Variants in RASGRF1 observed in about 807,000 individuals in gnomAD.
RASGRF1 encodes the protein ras-specific guanine nucleotide-releasing factor 1.
A neutral mutation model predicts 138.7 loss-of-function variants in RASGRF1; 40 were observed. The ratio of observed to expected loss-of-function variants is 0.29; its 90% CI spans 0.22 to 0.38. RASGRF1 has a LOEUF of 0.38. Ranked by LOEUF, RASGRF1 falls within the 10% of genes least tolerant of loss-of-function variation. The pLI is 1.00. For synonymous variants in RASGRF1, 614 were observed against 663.2 expected (o/e 0.93, Z 1.14); for missense variants, 1,108 against 1,650.4 (o/e 0.67, Z 5.69).
intron 25 of RASGRF1, among the ~76,000 whole-genome samples, chr15:78,972,726 G>A (rs1398747146): frequency 3.3e-5 from 5 of 152,120 alleles, no homozygotes; most frequent in Admixed American, 6.5e-5. Context: ...GCTTTCTGGC[G>A]AAGTGAGAGG....
chr15:79,062,060 A>G lies in RASGRF1; in HGVS notation c.383+2360T>C, dbSNP rs140248612. On this transcript the variant is annotated intron_variant, in intron 2 of 26. Coordinates refer to ENST00000558480, the MANE Select transcript of RASGRF1 (RefSeq NM_001145648.3). ...TACGTTTGTTCCACTCATCTTCAAC[A>G]TTCACTATTGTCTGTCTTAAGCATT... Among the ~76,000 whole-genome samples, 406 of 152,288 alleles carry G rather than the reference A, an allele frequency of 2.7e-3. 2 individuals are homozygous for G. Among genetic ancestry groups the G allele is most frequent in the Admixed American group, 4.1e-3 (63 of 15,302 alleles).
intron 24 of RASGRF1, among the ~76,000 whole-genome samples, chr15:78,976,645 A>G (rs1372157503): frequency 6.6e-6 from 1 of 152,072 alleles, no homozygotes; most frequent in Non-Finnish European, 1.5e-5. Flanking sequence ...GGGACAGAGG[A>G]CTGCTGGAGG....
chr15:79,005,189 C>G (rs1230593156), intron 14 of RASGRF1: 9 of 985,440 alleles, frequency 9.1e-6, no homozygotes, highest in Non-Finnish European at 1.1e-5. Context: ...CCCAGTGAGG[C>G]CTGAGGTGGG....
At chr15:78,998,237 G>A (rs1315700900) in intron 18 of RASGRF1, 29 bp from the exon 19 acceptor site, 4 of 1,579,314 alleles carry the variant, frequency 2.5e-6, no homozygotes, top group Non-Finnish European at 3.5e-6. Context: ...GGGTGGCTCT[G>A]GTTACTGTTT....
chr15:79,010,016 C>A (rs2056762660), intron 13 of RASGRF1, among the ~76,000 whole-genome samples: 2 of 151,424 alleles, frequency 1.3e-5, no homozygotes, highest in African/African-American at 4.9e-5. Flanking sequence ...AGCCACTGCA[C>A]CCAGCCTCTT....
rs1245315475 is a variant in RASGRF1, at chr15:79,084,958, C to T, written c.276+5265G>A. 3.3e-5 allele frequency among the ~76,000 whole-genome samples: 5 copies of T among 152,236 alleles called. No individual in the cohort carries two copies. In the South Asian group the frequency reaches 6.2e-4, roughly 19 times the overall value. Reference sequence around the variant, plus strand: ...AAGTTTTTTTTAATCGTAAAGACCCCGTTCCTTCATCCTCTCAGGGCTTCC... The same window carrying T: ...AAGTTTTTTTTAATCGTAAAGACCCTGTTCCTTCATCCTCTCAGGGCTTCC... On this transcript the variant is annotated intron_variant, in intron 1 of 26. Transcript: ENST00000558480.
chr15:78,988,156 T>C (rs1332350236), intron 22 of RASGRF1, among the ~76,000 whole-genome samples: 1 of 152,202 alleles, frequency 6.6e-6, no homozygotes, highest in Non-Finnish European at 1.5e-5. Context: ...TGCTGTGTAA[T>C]GTTGGGGATG....
At chr15:79,062,541 T>C (rs2057621794) in intron 2 of RASGRF1, among the ~76,000 whole-genome samples, 1 of 152,158 alleles carries the variant, frequency 6.6e-6, no homozygotes, top group African/African-American at 2.4e-5. Context: ...ATTTTTATTT[T>C]TTTTATTTTT....
At chr15:79,074,925 A>T (rs1386624008) in intron 1 of RASGRF1, among the ~76,000 whole-genome samples, 1 of 152,166 alleles carries the variant, frequency 6.6e-6, no homozygotes. Context: ...CTGATTTGAG[A>T]TTCCACCAGG....
rs2056449410 is a variant in RASGRF1 at position 78,998,712 on chromosome 15, C to T, written c.2853+7G>A. The T allele has an allele frequency of 1.2e-6, 2 of 1,610,858 alleles. No homozygotes were observed. Among genetic ancestry groups the T allele is most frequent in the Non-Finnish European group, 1.7e-6 (2 of 1,177,080 alleles). ...CAGCAGCCTGCCCAGGGAGGGCTCC[C>T]ACCCACCTGAGAGTGCTTGGACACC... On this transcript the variant is annotated splice_region_variant and intron_variant, in intron 18 of 26. Coordinates refer to ENST00000558480, the MANE Select transcript of RASGRF1 (RefSeq NM_001145648.3).
chr15:79,010,482 G>T (rs1159374441), intron 13 of RASGRF1, among the ~76,000 whole-genome samples: 1 of 152,226 alleles, frequency 6.6e-6, no homozygotes, highest in Non-Finnish European at 1.5e-5. Context: ...TGATCCATTA[G>T]CAATGTCTGC....
At chr15:79,017,387 G>A (rs549894661) in intron 12 of RASGRF1, among the ~76,000 whole-genome samples, 82 of 152,276 alleles carry the variant, frequency 5.4e-4, no homozygotes, top group African/African-American at 1.9e-3. Flanking sequence ...TTTTCTGTGC[G>A]TATCAATGAC....
chr15:79,001,979 T>C (rs1225720682), intron 15 of RASGRF1, among the ~76,000 whole-genome samples, 192 bp from the exon 16 acceptor site: 2 of 152,236 alleles, frequency 1.3e-5, no homozygotes, highest in East Asian at 1.9e-4. Context: ...TAATGAGCAC[T>C]GTCGATCTCC....
At chr15:79,025,542 A>G in intron 9 of RASGRF1, 68 bp from the exon 10 acceptor site, 1 of 1,527,210 alleles carries the variant, frequency 6.5e-7, no homozygotes, top group South Asian at 1.2e-5. Flanking sequence ...CCCAGCCTTG[A>G]AGGTTGAGAT....
At chr15:78,984,806 C>G in intron 23 of RASGRF1, 1 of 607,378 alleles carries the variant, frequency 1.6e-6, no homozygotes, top group Non-Finnish European at 2.9e-6. Flanking sequence ...GGATTACAGT[C>G]CAGGTCTCAC....
At chr15:79,069,417 G>A (rs1012755062) in intron 1 of RASGRF1, among the ~76,000 whole-genome samples, 3 of 152,228 alleles carry the variant, frequency 2.0e-5, no homozygotes, top group African/African-American at 7.2e-5. Flanking sequence ...CCCGTTTGCT[G>A]TCTTTGGTTA....
chr15:78,978,845 A>T, intron 24 of RASGRF1: 1 of 1,186,140 alleles, frequency 8.4e-7, no homozygotes. Flanking sequence ...CCTGGTTTGC[A>T]TAAAGCTCTT....
chr15:78,973,995 C>T lies in RASGRF1; in HGVS notation c.3495-575G>A, dbSNP rs190629538. Among the ~76,000 whole-genome samples the T allele has an allele frequency of 5.1e-4, 77 of 152,314 alleles. No homozygotes were observed. The highest frequency in any genetic ancestry group is 9.9e-4 in the Non-Finnish European group (67 of 68,020). On this transcript the variant is annotated intron_variant, in intron 24 of 26. Transcript: ENST00000558480. The surrounding 1 kb of genome is among the most constrained non-coding windows in gnomAD (Gnocchi z 4.9). Reference sequence around the variant, plus strand: ...ACCCTTGCTCTCTGAGATCACTTTCCTGAAAGTGGCTTTGGGGCAGGGGGT... The same window carrying T: ...ACCCTTGCTCTCTGAGATCACTTTCTTGAAAGTGGCTTTGGGGCAGGGGGT...
chr15:78,966,411 A>T (rs1206315871), intron 26 of RASGRF1, among the ~76,000 whole-genome samples: 1 of 150,892 alleles, frequency 6.6e-6, no homozygotes, highest in Non-Finnish European at 1.5e-5. Flanking sequence ...TAATGTTTTT[A>T]TTTTTTTGTA....
Sources: allele counts gnomAD v4.1 joint callset (sites outside exome capture counted in the v4.1 genomes callset), GRCh38; gene constraint gnomAD v4.1.1; non-coding constraint Gnocchi (gnomAD v3.1); transcripts MANE v1.5; gene names NCBI Gene and HGNC (gene_info 2026-07-23, HGNC 2026-07-21).